Variants in SNAP91 observed in about 807,000 individuals in gnomAD.
SNAP91 encodes synaptosome associated protein 91, also known as clathrin coat assembly protein AP180.
SNAP91 carries 27 observed loss-of-function variants against 100.3 expected under a neutral mutation model. The observed-to-expected ratio is 0.27, with a 90% CI of 0.20 to 0.37. SNAP91 has a LOEUF of 0.37. SNAP91 is among the 10% of genes least tolerant of loss of function. The pLI, the probability that SNAP91 is intolerant of heterozygous loss-of-function variation, is 1.00. For synonymous variants in SNAP91, 404 were observed against 398.6 expected, an observed-to-expected ratio of 1.01 and a Z score of -0.16; for missense variants, 986 against 1,123.7, an observed-to-expected ratio of 0.88 and a Z score of 1.75.
intron 2 of SNAP91, among the ~76,000 whole-genome samples, chr6:83,684,088 C>T (rs546271941): frequency 3.3e-5 from 5 of 152,210 alleles, no homozygotes; most frequent in African/African-American, 7.2e-5. Flanking sequence ...AATACAAATG[C>T]GATTATGTCT....
chr6:83,653,808 T>C (rs2098300300), intron 7 of SNAP91, among the ~76,000 whole-genome samples: 1 of 152,180 alleles, frequency 6.6e-6, no homozygotes, highest in Non-Finnish European at 1.5e-5. Context: ...AGTGAGTCTA[T>C]GCCTCTGGAC....
chr6:83,668,809 AAG>A (rs1484203068), intron 2 of SNAP91, among the ~76,000 whole-genome samples: 1 of 152,074 alleles, frequency 6.6e-6, no homozygotes, highest in African/African-American at 2.4e-5. Flanking sequence ...AAGAGTACAA[AAG>A]AGTCTTGAGA....
intron 8 of SNAP91, among the ~76,000 whole-genome samples, chr6:83,635,575 T>A (rs2097404868): frequency 6.6e-6 from 1 of 152,144 alleles, no homozygotes; most frequent in African/African-American, 2.4e-5. Context: ...AGGCTATGCG[T>A]GTCATTACAT....
rs369038223 is a variant in SNAP91, at chr6:83,594,434, C to T, written c.1372G>A (p.Ala458Thr). 4 of 1,551,868 alleles carry T rather than the reference C, an allele frequency of 2.6e-6. No individual in the cohort carries two copies. In the African/African-American group the frequency reaches 4.1e-5, roughly 16 times the overall value. ...GGGGTTGGGGTAGCTGGTGCGGCGG[C>T]CCCTTCGGATGCTGCAGGGGCCTCC... Reference protein sequence around the residue: ...PGEAPAASEGAAAPATPTPVA... With the variant: ...PGEAPAASEGTAAPATPTPVA... The change falls in exon 17 of 30, where the codon GCC becomes ACC. Residue 458 changes from alanine to threonine, a missense_variant. Coordinates refer to ENST00000369694, the MANE Select transcript of SNAP91 (RefSeq NM_001242792.2).
intron 7 of SNAP91, among the ~76,000 whole-genome samples, chr6:83,650,083 T>C (rs2098132801): frequency 6.6e-6 from 1 of 152,174 alleles, no homozygotes; most frequent in Non-Finnish European, 1.5e-5. Context: ...ATGAATATTA[T>C]TCATGGTTAT....
chr6:83,639,284 A>G (rs1470335551), intron 8 of SNAP91, among the ~76,000 whole-genome samples: 3 of 152,158 alleles, frequency 2.0e-5, no homozygotes, highest in Non-Finnish European at 4.4e-5. Context: ...TGGTTGAAAA[A>G]TTTCTATATT....
intron 11 of SNAP91, 100 bp from the exon 12 acceptor site, chr6:83,610,777 A>C: frequency 4.6e-6 from 1 of 216,734 alleles, no homozygotes; most frequent in Non-Finnish European, 9.0e-6. Flanking sequence ...TTGTAGAAGC[A>C]TTTAAGTTGG....
intron 11 of SNAP91, 65 bp from the exon 12 acceptor site, chr6:83,610,742 TATATAA>T (rs1420788407): frequency 0.089 from 13,708 of 153,386 alleles, 1,604 homozygotes; most frequent in African/African-American, 0.13. Flanking sequence ...TATATATATA[TATATAA>T]ATATATATGT....
intron 23 of SNAP91, 142 bp downstream of exon 23, chr6:83,582,078 TGA>T (rs1829288561): frequency 2.5e-6 from 2 of 809,508 alleles, no homozygotes; most frequent in Non-Finnish European, 3.7e-6. Context: ...AGTTACTAAA[TGA>T]GAGATTTATT....
At chr6:83,695,292 AAAAAAAAAGAGAAAAGAAAAAGAAAAAG>A (rs1379630473) in intron 2 of SNAP91, among the ~76,000 whole-genome samples, 4 of 150,234 alleles carry the variant, frequency 2.7e-5, no homozygotes, top group African/African-American at 9.7e-5. Flanking sequence ...AAAAAAAAAA[AAAAAAAAAGAGAAAAGAAAAAGAAAAAG>A]AAAAGAAAAG....
intron 26 of SNAP91, among the ~76,000 whole-genome samples, chr6:83,569,287 C>A (rs927799587): frequency 6.6e-6 from 1 of 152,080 alleles, no homozygotes; most frequent in African/African-American, 2.4e-5. Flanking sequence ...TATGCTAAAA[C>A]TTTCCATATT....
At position 83,658,384 on chromosome 6, in the gene SNAP91, C is replaced by T. The variant is rs1268224165; in HGVS notation, c.546+615G>A. Among the ~76,000 whole-genome samples the T allele has an allele frequency of 1.1e-4, 17 of 152,164 alleles. No individual in the cohort carries two copies. In the East Asian group the frequency reaches 2.7e-3, roughly 24 times the overall value. ...CAGAATTTTGGGAGGCCGAGGTAGG[C>T]AGATCATGAGGTAAGGAGATCGAGA... On this transcript the variant is annotated intron_variant, in intron 6 of 29. Coordinates refer to ENST00000369694, the MANE Select transcript of SNAP91 (RefSeq NM_001242792.2).
intron 2 of SNAP91, among the ~76,000 whole-genome samples, chr6:83,680,609 G>A (rs566979796): frequency 1.3e-5 from 2 of 152,240 alleles, no homozygotes; most frequent in African/African-American, 4.8e-5. Flanking sequence ...TAAAAAGGAT[G>A]ATATACAAGT....
chr6:83,624,383 G>A (rs1019775495), intron 8 of SNAP91, among the ~76,000 whole-genome samples: 1 of 152,036 alleles, frequency 6.6e-6, no homozygotes, highest in African/African-American at 2.4e-5. Context: ...AACAAAGTGG[G>A]TTAAGCCAAA....
intron 22 of SNAP91, among the ~76,000 whole-genome samples, chr6:83,586,177 T>C (rs548091953): frequency 1.3e-5 from 2 of 152,350 alleles, no homozygotes; most frequent in East Asian, 1.9e-4. Context: ...AAACTACTGC[T>C]AAAGACACTT....
At chr6:83,574,596 A>G (rs978722384) in intron 26 of SNAP91, among the ~76,000 whole-genome samples, 3 of 152,180 alleles carry the variant, frequency 2.0e-5, no homozygotes, top group South Asian at 2.1e-4. Context: ...ATATGATAAG[A>G]TAGATAAAAT....
chr6:83,616,969 T>C lies in SNAP91; in HGVS notation c.878A>G (p.Asn293Ser), dbSNP rs371034396. 11 of 1,539,402 alleles carry C rather than the reference T, an allele frequency of 7.1e-6. No individual in the cohort carries two copies. The highest frequency in any genetic ancestry group is 1.4e-5 in the African/African-American group (1 of 72,686). The stretch of plus-strand genomic sequence containing the variant: ...TTTAGAATATACAACTAATGCGTAC[T>C]TGTTTCCAGGTTTCTTTCCTTCTAA... ...NTLEGKKPGN[N>S]EGSGAPSPLS... Residue 293 changes from asparagine to serine, a missense_variant and splice_region_variant, in exon 10 of 30, where the codon AAT (asparagine) becomes AGT (serine). Transcript: ENST00000369694.
In SNAP91 at chr6:83,560,927, G is replaced by C; in HGVS notation, c.2463C>G (p.Thr821=). The change falls in exon 27 of 30, where the codon ACC becomes ACG. Residue 821 remains threonine, a synonymous_variant. Transcript: ENST00000369694. ...CCCCGGCAACAGGAGGAACTGAACTGGTTGGAGGTACAGCTCCTTGCTACA... is the reference window on the plus strand; with the variant it reads ...CCCCGGCAACAGGAGGAACTGAACTCGTTGGAGGTACAGCTCCTTGCTACA... ...SAPLQGAVPP[T]SSVPPVAGAP... The C allele has an allele frequency of 6.2e-7, 1 of 1,610,534 alleles. No homozygotes were observed. The highest frequency in any genetic ancestry group is 8.5e-7 in the Non-Finnish European group (1 of 1,178,824).
chr6:83,556,096 T>C, intron 29 of SNAP91, 47 bp downstream of exon 29: 2 of 1,033,294 alleles, frequency 1.9e-6, no homozygotes, highest in South Asian at 2.7e-5. Context: ...CTAAGCATTG[T>C]ATAGCTCATT....
Sources: gnomAD v4.1 joint callset for allele counts (sites outside exome capture counted in the v4.1 genomes callset) on GRCh38, gnomAD v4.1.1 for gene constraint, MANE v1.5 for transcripts, NCBI Gene and HGNC (gene_info 2026-07-23, HGNC 2026-07-21) for gene names.